CREB5: variants seen among roughly 807,000 people sequenced by gnomAD.
CREB5 encodes cyclic AMP-responsive element-binding protein 5.
In CREB5, 19 loss-of-function variants were observed where a neutral mutation model predicts 57.1. The observed-to-expected ratio is 0.33, with a 90% CI of 0.23 to 0.49. The LOEUF is 0.49. Ranked by LOEUF, CREB5 falls within the 20% of genes least tolerant of loss-of-function variation. The pLI, the probability that CREB5 is intolerant of heterozygous loss-of-function variation, is 0.99. For missense variants in CREB5, 579 were observed against 671.6 expected (o/e 0.86, Z 1.52); for synonymous variants, 238 against 238.3 (o/e 1.00, Z 0.01).
At chr7:28,742,506 C>T (rs935315836) in intron 7 of CREB5, among the ~76,000 whole-genome samples, 7 of 151,750 alleles carry the variant, frequency 4.6e-5, no homozygotes, top group African/African-American at 1.7e-4. Context: ...GCGGAGCTTG[C>T]AGTGAGCCGA....
intron 7 of CREB5, among the ~76,000 whole-genome samples, chr7:28,732,271 G>T (rs1489846150): frequency 4.6e-5 from 7 of 152,018 alleles, no homozygotes; most frequent in Admixed American, 4.6e-4. Flanking sequence ...GGTAACCACG[G>T]CAACTGGTGA....
chr7:28,503,309 C>T (rs1321753693), intron 3 of CREB5, among the ~76,000 whole-genome samples: 2 of 152,130 alleles, frequency 1.3e-5, no homozygotes, highest in South Asian at 2.1e-4. Context: ...TAACAACTTT[C>T]GGTTCTTTTG....
intron 4 of CREB5, among the ~76,000 whole-genome samples, chr7:28,553,411 G>T (rs1794747177): frequency 6.6e-6 from 1 of 152,156 alleles, no homozygotes; most frequent in East Asian, 1.9e-4. Context: ...ACATAACCTT[G>T]TTTATTTGCT....
intron 4 of CREB5, among the ~76,000 whole-genome samples, chr7:28,556,276 C>A: frequency 6.6e-6 from 1 of 152,220 alleles, no homozygotes; most frequent in South Asian, 2.1e-4. Context: ...ATTCTAAGCC[C>A]GATTGTTTCA....
At chr7:28,533,341 A>C (rs924120056) in intron 4 of CREB5, among the ~76,000 whole-genome samples, 1 of 152,196 alleles carries the variant, frequency 6.6e-6, no homozygotes, top group African/African-American at 2.4e-5. Flanking sequence ...TTAGGGAAAA[A>C]AAGTAATTGT....
chr7:28,812,758 C>G (rs1809199846), intron 9 of CREB5, among the ~76,000 whole-genome samples: 1 of 152,130 alleles, frequency 6.6e-6, no homozygotes, highest in South Asian at 2.1e-4. Context: ...TTTGAATGAC[C>G]CTTTCCCTCT....
At chr7:28,530,239 T>C (rs1163652369) in intron 4 of CREB5, among the ~76,000 whole-genome samples, 1 of 145,784 alleles carries the variant, frequency 6.9e-6, no homozygotes, top group Non-Finnish European at 1.5e-5. Flanking sequence ...CCAACCCACA[T>C]TGGTTTTCCT....
intron 4 of CREB5, among the ~76,000 whole-genome samples, chr7:28,521,114 G>A (rs1016782292): frequency 6.6e-6 from 1 of 152,164 alleles, no homozygotes; most frequent in Admixed American, 6.5e-5. Flanking sequence ...ATGAGCCAAG[G>A]CACCCATTGC....
At chr7:28,407,989 C>T (rs1173435170), upstream of CREB5, among the ~76,000 whole-genome samples, 1 of 152,236 alleles carries the variant, frequency 6.6e-6, no homozygotes. Flanking sequence ...TAAACTGTTT[C>T]TAAGCAAAGC....
chr7:28,440,695 A>G (rs1789151057), intron 1 of CREB5, among the ~76,000 whole-genome samples: 1 of 152,200 alleles, frequency 6.6e-6, no homozygotes, highest in Non-Finnish European at 1.5e-5. Flanking sequence ...CCATCTGATC[A>G]AGGCTGATTC....
chr7:28,341,124 G>A (rs984516541), intron 1 of CREB5, among the ~76,000 whole-genome samples: 3 of 152,106 alleles, frequency 2.0e-5, no homozygotes, highest in African/African-American at 7.2e-5. Context: ...TCTTATGAAG[G>A]TGCTTTGTTG....
At chr7:28,418,527 C>G (rs1395567737) in intron 1 of CREB5, among the ~76,000 whole-genome samples, 5 of 152,180 alleles carry the variant, frequency 3.3e-5, no homozygotes, top group Non-Finnish European at 7.3e-5. Flanking sequence ...GACCCTCTCT[C>G]TCCTTATCCC....
At chr7:28,741,143 A>G (rs1297980295) in intron 7 of CREB5, among the ~76,000 whole-genome samples, 2 of 152,162 alleles carry the variant, frequency 1.3e-5, no homozygotes, top group African/African-American at 2.4e-5. Context: ...ATCTTCCACA[A>G]ACACTTCCAT....
intron 7 of CREB5, among the ~76,000 whole-genome samples, chr7:28,758,865 A>C (rs949143591): frequency 6.6e-6 from 1 of 151,612 alleles, no homozygotes; most frequent in African/African-American, 2.4e-5. Flanking sequence ...ACAGTTCCTA[A>C]TTAGTTTTGT....
At chr7:28,350,735 G>A (rs1311792965) in intron 1 of CREB5, among the ~76,000 whole-genome samples, 3 of 152,048 alleles carry the variant, frequency 2.0e-5, no homozygotes, top group Non-Finnish European at 4.4e-5. Context: ...AGCTTCAAGG[G>A]TAGGCAAGGA....
chr7:28,665,268 C>T (rs2128715910), intron 5 of CREB5, among the ~76,000 whole-genome samples: 1 of 152,168 alleles, frequency 6.6e-6, no homozygotes, highest in Middle Eastern at 3.4e-3. Flanking sequence ...TCAATGTTGC[C>T]TGCGTCTCCT....
intron 5 of CREB5, chr7:28,615,462 C>T (rs529195483): frequency 5.9e-5 from 9 of 152,440 alleles, no homozygotes; most frequent in African/African-American, 1.7e-4. Flanking sequence ...TCTTGTTCCC[C>T]ACAGTGTCCT....
intron 5 of CREB5, among the ~76,000 whole-genome samples, chr7:28,640,729 C>T (rs1798623290): frequency 6.6e-6 from 1 of 152,128 alleles, no homozygotes; most frequent in African/African-American, 2.4e-5. Context: ...TACACACCTC[C>T]TGCAAATGTA....
chr7:28,569,691 T>C (rs1034702232), intron 4 of CREB5, among the ~76,000 whole-genome samples: 2 of 152,188 alleles, frequency 1.3e-5, no homozygotes, highest in African/African-American at 4.8e-5. Flanking sequence ...AACAAGTAAC[T>C]AGACGCTTGA....
Sources: allele counts gnomAD v4.1 joint callset (sites outside exome capture counted in the v4.1 genomes callset), GRCh38; gene constraint gnomAD v4.1.1; transcripts MANE v1.5; gene names NCBI Gene and HGNC (gene_info 2026-07-23, HGNC 2026-07-21).